Variants in CNTNAP4 observed in about 807,000 individuals in gnomAD.
CNTNAP4 encodes contactin associated protein family member 4.
Under a neutral mutation model 148.4 loss-of-function variants are expected in CNTNAP4, and 98 were observed. The observed-to-expected ratio is 0.66, with a 90% CI of 0.56 to 0.78. CNTNAP4 has a LOEUF of 0.78. Ranked by LOEUF, CNTNAP4 falls within the 30% of genes least tolerant of loss-of-function variation. The pLI, the probability that CNTNAP4 is intolerant of heterozygous loss-of-function variation, is 0.00. For synonymous variants in CNTNAP4, 730 were observed against 565.1 expected (o/e 1.29, Z -4.14); for missense variants, 1,935 against 1,565.6 (o/e 1.24, Z -3.98).
chr16:76,468,498 A>AT (rs992078882), intron 10 of CNTNAP4, among the ~76,000 whole-genome samples: 1 of 149,774 alleles, frequency 6.7e-6, no homozygotes, highest in Non-Finnish European at 1.5e-5. Flanking sequence ...AATAAATAAT[A>AT]TTTTTTTGAG....
At chr16:76,339,703 T>G (rs1964311068) in intron 2 of CNTNAP4, among the ~76,000 whole-genome samples, 1 of 152,224 alleles carries the variant, frequency 6.6e-6, no homozygotes, top group Non-Finnish European at 1.5e-5. Flanking sequence ...TCTATCTAAT[T>G]TATTTCCATT....
chr16:76,464,675 G>A (rs899225411), intron 9 of CNTNAP4, among the ~76,000 whole-genome samples: 2 of 152,120 alleles, frequency 1.3e-5, no homozygotes, highest in African/African-American at 4.8e-5. Flanking sequence ...AACAGCCCGG[G>A]TTATACCTCC....
intron 1 of CNTNAP4, among the ~76,000 whole-genome samples, chr16:76,285,749 T>C (rs1049748334): frequency 6.6e-5 from 10 of 152,056 alleles, no homozygotes; most frequent in Admixed American, 3.9e-4. Context: ...ACTCTGCAAT[T>C]ATGACCTACG....
intron 3 of CNTNAP4, among the ~76,000 whole-genome samples, chr16:76,370,500 C>A (rs2014683499): frequency 1.3e-5 from 2 of 152,132 alleles, no homozygotes; most frequent in South Asian, 4.1e-4. Flanking sequence ...GGAAGAAATA[C>A]CCTGGTTCCT....
In CNTNAP4 at chr16:76,504,672, A is replaced by G. The variant is rs186001735; in HGVS notation, c.2365+5978A>G. ...AAATGACACTGTCGAGAAATTGAAA[A>G]GAAAAGCTACAGACTGGGTGAAAAT... is the stretch of plus-strand genomic sequence containing the variant. On this transcript the variant is annotated intron_variant, in intron 15 of 23. Coordinates refer to ENST00000611870, the MANE Select transcript of CNTNAP4 (RefSeq NM_033401.5). 1.4e-4 allele frequency among the ~76,000 whole-genome samples: 22 copies of G among 152,282 alleles called. No individual in the cohort carries two copies. In the East Asian group the frequency reaches 2.7e-3, roughly 19 times the overall value.
intron 21 of CNTNAP4, among the ~76,000 whole-genome samples, chr16:76,551,095 C>T (rs1371217293): frequency 6.6e-6 from 1 of 151,754 alleles, no homozygotes; most frequent in Non-Finnish European, 1.5e-5. Flanking sequence ...AAAATAGAGC[C>T]CCTCAAAATT....
chr16:76,500,491 C>T (rs890697991), intron 15 of CNTNAP4, among the ~76,000 whole-genome samples: 2 of 152,176 alleles, frequency 1.3e-5, no homozygotes, highest in Admixed American at 1.3e-4. Flanking sequence ...GTGCTAAACA[C>T]AGTTATTAAT....
At chr16:76,378,673 C>A (rs2015670569) in intron 3 of CNTNAP4, among the ~76,000 whole-genome samples, 1 of 152,154 alleles carries the variant, frequency 6.6e-6, no homozygotes, top group Non-Finnish European at 1.5e-5. Context: ...TTCTTGCAGT[C>A]TCAGCCCTGA....
intron 1 of CNTNAP4, among the ~76,000 whole-genome samples, chr16:76,297,896 A>G (rs898502788): frequency 1.3e-5 from 2 of 152,214 alleles, no homozygotes; most frequent in Non-Finnish European, 2.9e-5. Context: ...AATTAGAATC[A>G]GAAATAGTCT....
intron 21 of CNTNAP4, 40 bp downstream of exon 21, chr16:76,540,830 C>G: frequency 7.4e-7 from 1 of 1,358,088 alleles, no homozygotes; most frequent in Non-Finnish European, 1.0e-6. Flanking sequence ...CCATGCTAAT[C>G]ATGATACATA....
At chr16:76,403,400 C>T (rs574033005) in intron 3 of CNTNAP4, among the ~76,000 whole-genome samples, 4 of 152,210 alleles carry the variant, frequency 2.6e-5, no homozygotes, top group African/African-American at 9.6e-5. Flanking sequence ...GCCGTGAACA[C>T]TTTTCTAAAG....
At chr16:76,300,850 T>C (rs1353585158) in intron 1 of CNTNAP4, among the ~76,000 whole-genome samples, 1 of 152,150 alleles carries the variant, frequency 6.6e-6, no homozygotes, top group African/African-American at 2.4e-5. Context: ...CATTAGACAC[T>C]ATGACATATG....
chr16:76,542,123 G>C (rs1351250280), intron 21 of CNTNAP4, among the ~76,000 whole-genome samples: 3 of 152,158 alleles, frequency 2.0e-5, no homozygotes, highest in Admixed American at 6.5e-5. Flanking sequence ...ATGGGTATTA[G>C]CTTTAGACAA....
At chr16:76,277,959 T>C (rs1958543294) in intron 1 of CNTNAP4, among the ~76,000 whole-genome samples, 1 of 152,220 alleles carries the variant, frequency 6.6e-6, no homozygotes, top group Admixed American at 6.5e-5. Context: ...TTTCTCTTTT[T>C]GTCTACTCGC....
rs139028936 is a variant in CNTNAP4, at chr16:76,296,103, G to C, written c.85+18356G>C. On this transcript the variant is annotated intron_variant, in intron 1 of 23. Transcript: ENST00000611870. ...TTGTGTGTGATTTCTACAATGCAAT[G>C]TTTGAGGAATATGCCATGGTAATGT... Among the ~76,000 whole-genome samples the C allele has an allele frequency of 5.1e-3, 777 of 152,330 alleles. 4 individuals carry two copies. Among genetic ancestry groups the C allele is most frequent in the African/African-American group, 0.013 (530 of 41,580 alleles).
chr16:76,402,682 G>C (rs1362256065), intron 3 of CNTNAP4, among the ~76,000 whole-genome samples: 1 of 152,060 alleles, frequency 6.6e-6, no homozygotes, highest in Non-Finnish European at 1.5e-5. Flanking sequence ...ACTTCTTGAT[G>C]GGGCATTGAG....
At chr16:76,483,024 G>C (rs942976383) in intron 12 of CNTNAP4, among the ~76,000 whole-genome samples, 2 of 149,036 alleles carry the variant, frequency 1.3e-5, no homozygotes, top group African/African-American at 5.0e-5. Flanking sequence ...GAATTCCAGT[G>C]CCAAAATGTT....
At chr16:76,397,988 A>G (rs1189144888) in intron 3 of CNTNAP4, among the ~76,000 whole-genome samples, 1 of 75,736 alleles carries the variant, frequency 1.3e-5, no homozygotes, top group East Asian at 4.2e-4. Context: ...ATATATATAT[A>G]TATATATATA....
intron 17 of CNTNAP4, 31 bp downstream of exon 17, chr16:76,522,288 T>C (rs371038376): frequency 3.8e-6 from 6 of 1,573,390 alleles, no homozygotes; most frequent in Non-Finnish European, 5.2e-6. Flanking sequence ...ATCATTTTAT[T>C]GTATGATATG....
Sources: allele counts gnomAD v4.1 joint callset (sites outside exome capture counted in the v4.1 genomes callset), GRCh38; gene constraint gnomAD v4.1.1; transcripts MANE v1.5; gene names NCBI Gene and HGNC (gene_info 2026-07-23, HGNC 2026-07-21).